TMTC2: variants seen among roughly 807,000 people sequenced by gnomAD.
The protein encoded by TMTC2 is protein O-mannosyl-transferase TMTC2.
A neutral mutation model predicts 82.4 loss-of-function variants in TMTC2; 43 were observed. That is an observed-to-expected ratio of 0.52 (90% CI 0.41 to 0.67). The LOEUF (loss-of-function observed/expected upper bound fraction) is 0.67, where lower values mean the gene tolerates loss of function less well. Ranked by LOEUF, TMTC2 falls within the 30% of genes least tolerant of loss-of-function variation. The pLI is 0.00. For synonymous variants in TMTC2, 408 were observed against 381.9 expected (o/e 1.07, Z -0.80); for missense variants, 919 against 1,012.4 (o/e 0.91, Z 1.25).
chr12:82,700,797 A>G (rs1873039198), intron 1 of TMTC2, among the ~76,000 whole-genome samples: 1 of 152,180 alleles, frequency 6.6e-6, no homozygotes, highest in South Asian at 2.1e-4. Flanking sequence ...ATGGTGCTAT[A>G]CAGAAATACC....
intron 11 of TMTC2, among the ~76,000 whole-genome samples, chr12:83,117,652 C>A (rs1884806051): frequency 6.6e-6 from 1 of 151,900 alleles, no homozygotes; most frequent in South Asian, 2.1e-4. Flanking sequence ...CTTTTTGGTT[C>A]CCTGTGAATT....
intron 1 of TMTC2, among the ~76,000 whole-genome samples, chr12:82,805,548 C>T (rs1267827274): frequency 1.5e-5 from 2 of 134,162 alleles, no homozygotes; most frequent in East Asian, 4.9e-4. Context: ...TGCTCTGTCA[C>T]CCAGGCTGGA....
Position 82,824,537 on chromosome 12 carries a change from G to A in TMTC2, c.84-32473G>A, listed in dbSNP as rs1027619516. Among the ~76,000 whole-genome samples, 19 of 152,210 alleles carry A rather than the reference G, an allele frequency of 1.2e-4. No individual in the cohort carries two copies. In the East Asian group the frequency reaches 2.7e-3, roughly 22 times the overall value. On this transcript the variant is annotated intron_variant, in intron 1 of 11. Transcript: ENST00000321196. ...TCTGATGAAAATTAATTTATATCAC[G>A]TCAATATATGCAGAAGAGGTATGAT...
chr12:82,744,114 T>C (rs1320072000), intron 1 of TMTC2, among the ~76,000 whole-genome samples: 3 of 152,060 alleles, frequency 2.0e-5, no homozygotes, highest in African/African-American at 7.2e-5. Flanking sequence ...GAAAAGTCTC[T>C]AAAATATATA....
At chr12:83,093,955 A>G (rs1278453306) in intron 11 of TMTC2, among the ~76,000 whole-genome samples, 8 of 152,234 alleles carry the variant, frequency 5.3e-5, no homozygotes, top group Admixed American at 1.3e-4. Context: ...GGCTAAAAAC[A>G]TATATACATA....
chr12:82,997,804 G>A (rs1879733316), intron 8 of TMTC2, among the ~76,000 whole-genome samples: 2 of 151,608 alleles, frequency 1.3e-5, no homozygotes, highest in African/African-American at 2.4e-5. Flanking sequence ...AGCCAAATTA[G>A]TGTGAGGAAA....
intron 1 of TMTC2, among the ~76,000 whole-genome samples, chr12:82,770,922 G>T (rs1179858492): frequency 6.6e-6 from 1 of 152,112 alleles, no homozygotes; most frequent in Non-Finnish European, 1.5e-5. Context: ...ACAGTAAAGA[G>T]TTGTTGCGGG....
At chr12:82,828,197 T>C (rs1054393095) in intron 1 of TMTC2, among the ~76,000 whole-genome samples, 4 of 150,816 alleles carry the variant, frequency 2.7e-5, no homozygotes, top group Non-Finnish European at 5.9e-5. Context: ...CTGGCCCTTT[T>C]GCTTTTTCTT....
chr12:83,028,319 CT>C (rs1470237297), intron 8 of TMTC2, among the ~76,000 whole-genome samples: 1 of 152,102 alleles, frequency 6.6e-6, no homozygotes, highest in Non-Finnish European at 1.5e-5. Flanking sequence ...TTTTGTTATC[CT>C]TTTTAAAAAT....
intron 1 of TMTC2, among the ~76,000 whole-genome samples, chr12:82,807,550 A>G (rs1272028227): frequency 1.3e-5 from 2 of 152,090 alleles, no homozygotes; most frequent in Non-Finnish European, 2.9e-5. Context: ...CATGACAGAG[A>G]CAATGCATGT....
intron 1 of TMTC2, among the ~76,000 whole-genome samples, chr12:82,691,196 G>C (rs898380413): frequency 6.6e-6 from 1 of 152,112 alleles, no homozygotes; most frequent in Non-Finnish European, 1.5e-5. Context: ...ACAATTTGCA[G>C]GTTTGGAAGT....
intron 8 of TMTC2, among the ~76,000 whole-genome samples, chr12:82,998,837 A>G (rs993144382): frequency 6.6e-6 from 1 of 152,180 alleles, no homozygotes; most frequent in Non-Finnish European, 1.5e-5. Flanking sequence ...TTTAACTCAG[A>G]TAAAACAAAG....
At chr12:82,758,013 C>T (rs1180166921) in intron 1 of TMTC2, among the ~76,000 whole-genome samples, 1 of 152,090 alleles carries the variant, frequency 6.6e-6, no homozygotes, top group Non-Finnish European at 1.5e-5. Flanking sequence ...TGTTTTTGTT[C>T]AGATTTTACT....
chr12:82,891,574 C>T (rs1177805893), intron 2 of TMTC2, among the ~76,000 whole-genome samples: 1 of 152,180 alleles, frequency 6.6e-6, no homozygotes, highest in Non-Finnish European at 1.5e-5. Flanking sequence ...TCCGAAATTG[C>T]TGGGATTACA....
At chr12:82,909,849 G>T (rs1874539267) in intron 3 of TMTC2, among the ~76,000 whole-genome samples, 1 of 152,140 alleles carries the variant, frequency 6.6e-6, no homozygotes, top group Non-Finnish European at 1.5e-5. Flanking sequence ...AGCTATGTTA[G>T]AAGTTCTATT....
chr12:83,042,829 ACCT>A (rs1464812717), intron 9 of TMTC2, among the ~76,000 whole-genome samples: 1 of 152,136 alleles, frequency 6.6e-6, no homozygotes, highest in Admixed American at 6.5e-5. Context: ...CACACTAGAC[ACCT>A]TCCTTGCCAC....
chr12:83,042,424 T>G (rs1253375137), intron 9 of TMTC2, among the ~76,000 whole-genome samples: 1 of 152,238 alleles, frequency 6.6e-6, no homozygotes, highest in Non-Finnish European at 1.5e-5. Flanking sequence ...TGCATCCTTC[T>G]CTTCCTCTTT....
chr12:82,800,519 T>G (rs1031449265), intron 1 of TMTC2, among the ~76,000 whole-genome samples: 1 of 152,186 alleles, frequency 6.6e-6, no homozygotes, highest in Non-Finnish European at 1.5e-5. Context: ...AGAGCAGGAC[T>G]CATATTTTTC....
intron 1 of TMTC2, among the ~76,000 whole-genome samples, chr12:82,812,759 T>G (rs1868470915): frequency 6.6e-6 from 1 of 152,034 alleles, no homozygotes; most frequent in Non-Finnish European, 1.5e-5. Flanking sequence ...ATTTTTTTTA[T>G]GAAAATCTTG....
Sources: allele counts gnomAD v4.1 joint callset (sites outside exome capture counted in the v4.1 genomes callset), GRCh38; gene constraint gnomAD v4.1.1; transcripts MANE v1.5; gene names NCBI Gene and HGNC (gene_info 2026-07-23, HGNC 2026-07-21).